The following FLACC1 variants were observed in gnomAD, a reference collection of about 807,000 sequenced individuals.
FLACC1 encodes flagellum associated containing coiled-coil domains 1.
In FLACC1, 66 loss-of-function variants were observed where a neutral mutation model predicts 62.8. The ratio of observed to expected loss-of-function variants is 1.05; its 90% confidence interval spans 0.86 to 1.29. FLACC1 has a LOEUF of 1.29. Ranked by LOEUF, FLACC1 falls within the 50% of genes most tolerant of loss-of-function variation. The probability of loss-of-function intolerance (pLI) is 0.00; values close to 1 mark genes in which losing one functional copy is unlikely to be tolerated. For missense variants in FLACC1, 452 were observed against 489.1 expected, an observed-to-expected ratio of 0.92 and a Z score of 0.71; for synonymous variants, 156 against 161.0, an observed-to-expected ratio of 0.97 and a Z score of 0.24.
intron 9 of FLACC1, among the ~76,000 whole-genome samples, chr2:201,327,039 T>C (rs1416697372): frequency 6.6e-6 from 1 of 152,214 alleles, no homozygotes; most frequent in Admixed American, 6.5e-5. Flanking sequence ...AGCCAACTTA[T>C]CTTTGACAAA....
At chr2:201,335,320 C>T (rs1423158626) in intron 7 of FLACC1, among the ~76,000 whole-genome samples, 1 of 151,946 alleles carries the variant, frequency 6.6e-6, no homozygotes, top group East Asian at 1.9e-4. Flanking sequence ...CTTCAGCATA[C>T]TTTGGGCTTA....
intron 7 of FLACC1, among the ~76,000 whole-genome samples, chr2:201,332,336 C>A (rs1426539380): frequency 6.6e-6 from 1 of 151,962 alleles, no homozygotes; most frequent in Non-Finnish European, 1.5e-5. Context: ...GCAACCTTCG[C>A]CTCCTGGGCT....
chr2:201,307,168 T>C (rs1950124176), intron 11 of FLACC1, among the ~76,000 whole-genome samples: 1 of 152,236 alleles, frequency 6.6e-6, no homozygotes, highest in South Asian at 2.1e-4. Context: ...CGCCCAGTAA[T>C]AGCACTACAG....
intron 12 of FLACC1, among the ~76,000 whole-genome samples, chr2:201,293,515 T>C (rs1949786500): frequency 1.3e-5 from 2 of 152,188 alleles, no homozygotes; most frequent in East Asian, 3.8e-4. Flanking sequence ...TGGGACACAT[T>C]TAAAGCAGTG....
At chr2:201,298,871 CAG>C (rs2125544906) in intron 12 of FLACC1, among the ~76,000 whole-genome samples, 1 of 152,282 alleles carries the variant, frequency 6.6e-6, no homozygotes, top group East Asian at 1.9e-4. Context: ...GGCTTGGTGA[CAG>C]AGTTTCAAAG....
chr2:201,299,432 C>A, intron 11 of FLACC1, 132 bp from the exon 12 acceptor site: 1 of 634,474 alleles, frequency 1.6e-6, no homozygotes, highest in Non-Finnish European at 2.8e-6. Flanking sequence ...ATGAAGCACA[C>A]ATTATAAACT....
chr2:201,355,908 A>C (rs1356448141), intron 1 of FLACC1, among the ~76,000 whole-genome samples: 1 of 152,100 alleles, frequency 6.6e-6, no homozygotes, highest in Non-Finnish European at 1.5e-5. Context: ...TTTTCTTTGA[A>C]CACCCATGGG....
intron 12 of FLACC1, among the ~76,000 whole-genome samples, chr2:201,295,357 A>G (rs1035660977): frequency 1.6e-4 from 25 of 152,190 alleles, no homozygotes; most frequent in Non-Finnish European, 2.6e-4. Context: ...AAATAATGCC[A>G]TATATCTACA....
chr2:201,355,965 T>A (rs1024082002), intron 1 of FLACC1, among the ~76,000 whole-genome samples: 1 of 152,144 alleles, frequency 6.6e-6, no homozygotes, highest in Non-Finnish European at 1.5e-5. Context: ...GGCTATTGAA[T>A]AATCAACCAG....
chr2:201,358,247 G>C (rs1240555564), upstream of FLACC1, among the ~76,000 whole-genome samples: 1 of 151,992 alleles, frequency 6.6e-6, no homozygotes, highest in Non-Finnish European at 1.5e-5. Flanking sequence ...TTTCCTTTGA[G>C]ACAGTAGCTC....
At chr2:201,296,350 A>T (rs1949861443) in intron 12 of FLACC1, among the ~76,000 whole-genome samples, 1 of 152,098 alleles carries the variant, frequency 6.6e-6, no homozygotes, top group South Asian at 2.1e-4. Context: ...TGATGAGCTC[A>T]TGTCCTTGGT....
chr2:201,317,823 T>G (rs1950333526), intron 9 of FLACC1, among the ~76,000 whole-genome samples: 1 of 152,134 alleles, frequency 6.6e-6, no homozygotes, highest in Admixed American at 6.6e-5. Flanking sequence ...TCTGGAGGCA[T>G]CACATTACCT....
At position 201,317,107 on chromosome 2, in the gene FLACC1, A is replaced by G. The variant is rs1016528095; in HGVS notation, c.676-7857T>C. Reference sequence around the variant, plus strand: ...AGCCAAAATCATACTGAATGGGGAAAAGTTGGAAGCATTCCCACTGAGGAC... The same window carrying G: ...AGCCAAAATCATACTGAATGGGGAAGAGTTGGAAGCATTCCCACTGAGGAC... On this transcript the variant is annotated intron_variant, in intron 9 of 14. Transcript: ENST00000392257. Among the ~76,000 whole-genome samples the G allele has an allele frequency of 2.0e-5, 3 of 152,288 alleles. No individual in the cohort carries two copies. The South Asian group carries it at 6.2e-4, about 32-fold the overall frequency.
At position 201,289,495 on chromosome 2, in the gene FLACC1, G is replaced by A; in HGVS notation, c.1104C>T (p.His368=). 1 of 1,614,184 alleles carries A rather than the reference G, an allele frequency of 6.2e-7. No individual in the cohort carries two copies. Among genetic ancestry groups the A allele is most frequent in the South Asian group, 1.1e-5 (1 of 91,088 alleles). ...KFAETEEKYK[H]TIQILTEENI... is the part of the protein sequence containing the mutation. ...TCTCTTCCGTCAGGATCTGTATGGT[G>A]TGCTTATACTTTTCTTCAGTTTCAG... Residue 368 remains histidine (H), a synonymous_variant, in exon 14 of 15, where the codon CAC becomes CAT. Coordinates refer to ENST00000392257, the MANE Select transcript of FLACC1 (RefSeq NM_001127391.3).
At chr2:201,316,685 T>A (rs1024617344) in intron 9 of FLACC1, among the ~76,000 whole-genome samples, 6 of 151,862 alleles carry the variant, frequency 4.0e-5, no homozygotes, top group Admixed American at 1.3e-4. Context: ...AAAGAGGGAA[T>A]CCTCCCTAAA....
intron 12 of FLACC1, among the ~76,000 whole-genome samples, chr2:201,292,437 T>C (rs1949758040): frequency 6.6e-6 from 1 of 152,052 alleles, no homozygotes; most frequent in Admixed American, 6.6e-5. Context: ...AGCTTCATGA[T>C]TGAAGGAGAA....
chr2:201,352,573 T>C (rs967913159), intron 1 of FLACC1, among the ~76,000 whole-genome samples: 7 of 152,176 alleles, frequency 4.6e-5, no homozygotes, highest in African/African-American at 1.7e-4. Context: ...CATAGCTCAC[T>C]ATAGCCTATG....
chr2:201,329,822 C>T (rs1234774562), intron 9 of FLACC1, among the ~76,000 whole-genome samples: 1 of 152,168 alleles, frequency 6.6e-6, no homozygotes, highest in East Asian at 1.9e-4. Flanking sequence ...TATCCCAAAC[C>T]TCAGCATCAC....
At chr2:201,329,560 G>A (rs1026525671) in intron 9 of FLACC1, among the ~76,000 whole-genome samples, 2 of 152,256 alleles carry the variant, frequency 1.3e-5, no homozygotes, top group South Asian at 4.1e-4. Flanking sequence ...CACTGACAGT[G>A]GACTGGATAA....
Sources: gnomAD v4.1 joint callset for allele counts (sites outside exome capture counted in the v4.1 genomes callset) on GRCh38, gnomAD v4.1.1 for gene constraint, MANE v1.5 for transcripts, NCBI Gene and HGNC (gene_info 2026-07-23, HGNC 2026-07-21) for gene names.